Variants in MEMO1 observed in about 807,000 individuals in gnomAD.
MEMO1 encodes mediator of cell motility 1.
A neutral mutation model predicts 45.2 loss-of-function variants in MEMO1; 6 were observed. That is an observed-to-expected ratio of 0.13 (90% CI 0.07 to 0.26). The LOEUF is 0.26. Among genes scored for constraint, MEMO1 ranks in the 10% least tolerant of loss-of-function variants. MEMO1 has a pLI of 1.00. For synonymous variants in MEMO1, 78 were observed against 124.3 expected (o/e 0.63, Z 2.48); for missense variants, 184 against 370.5 (o/e 0.50, Z 4.13).
intron 2 of MEMO1, among the ~76,000 whole-genome samples, chr2:31,967,976 A>G (rs1270374542): frequency 6.6e-6 from 1 of 152,190 alleles, no homozygotes; most frequent in East Asian, 1.9e-4. Context: ...ATACTTAGAT[A>G]ATAAGAATCA....
At chr2:32,007,180 G>C (rs950428193) in intron 2 of MEMO1, among the ~76,000 whole-genome samples, 1 of 152,058 alleles carries the variant, frequency 6.6e-6, no homozygotes, top group Non-Finnish European at 1.5e-5. Flanking sequence ...CTATGCCCCT[G>C]TGTACCTTCC....
chr2:31,977,329 T>G (rs1021234465), intron 2 of MEMO1, among the ~76,000 whole-genome samples: 1 of 152,162 alleles, frequency 6.6e-6, no homozygotes, highest in Non-Finnish European at 1.5e-5. Flanking sequence ...CTTCTCATGC[T>G]TGAAAAATAT....
chr2:31,953,831 G>A (rs1210667249), intron 2 of MEMO1, among the ~76,000 whole-genome samples: 1 of 151,954 alleles, frequency 6.6e-6, no homozygotes, highest in Non-Finnish European at 1.5e-5. Context: ...GCATGACAAG[G>A]CCTACTTCAC....
intron 2 of MEMO1, among the ~76,000 whole-genome samples, chr2:31,962,320 G>T (rs2148414387): frequency 6.6e-6 from 1 of 152,238 alleles, no homozygotes; most frequent in Non-Finnish European, 1.5e-5. Context: ...GCCTGGGGAA[G>T]TCGAGGCTGC....
chr2:31,911,670 T>A (rs1380146533), intron 6 of MEMO1, among the ~76,000 whole-genome samples: 1 of 152,194 alleles, frequency 6.6e-6, no homozygotes, highest in Admixed American at 6.5e-5. Flanking sequence ...GCATTCTCAC[T>A]TAGGGAACTC....
intron 2 of MEMO1, among the ~76,000 whole-genome samples, chr2:31,978,900 A>G (rs907624020): frequency 1.3e-5 from 2 of 152,158 alleles, no homozygotes; most frequent in Admixed American, 6.6e-5. Flanking sequence ...TCATAAGGCA[A>G]TACTTTGCCT....
At chr2:31,982,140 T>C (rs1162936440) in intron 2 of MEMO1, among the ~76,000 whole-genome samples, 1 of 151,228 alleles carries the variant, frequency 6.6e-6, no homozygotes, top group Non-Finnish European at 1.5e-5. Context: ...CTACTAAAAA[T>C]ACAAAAATTA....
intron 8 of MEMO1, among the ~76,000 whole-genome samples, chr2:31,871,595 C>T (rs971560787): frequency 2.0e-5 from 3 of 152,034 alleles, no homozygotes; most frequent in Non-Finnish European, 4.4e-5. Flanking sequence ...TAGCCACTCT[C>T]AGATTGGTCC....
chr2:31,959,113 T>G (rs1667711995), intron 2 of MEMO1, among the ~76,000 whole-genome samples: 1 of 152,210 alleles, frequency 6.6e-6, no homozygotes, highest in South Asian at 2.1e-4. Context: ...AGATGAAGAC[T>G]TTGATTTTGG....
At chr2:31,952,727 A>G (rs1666975312) in intron 2 of MEMO1, among the ~76,000 whole-genome samples, 1 of 152,170 alleles carries the variant, frequency 6.6e-6, no homozygotes, top group African/African-American at 2.4e-5. Flanking sequence ...TTTTCATTAG[A>G]AAAAAAGCAT....
At chr2:31,901,065 A>G (rs1168761539) in intron 6 of MEMO1, among the ~76,000 whole-genome samples, 1 of 152,170 alleles carries the variant, frequency 6.6e-6, no homozygotes, top group East Asian at 1.9e-4. Flanking sequence ...ATAATGGAAT[A>G]ATTATTTGGC....
chr2:32,004,513 G>A (rs953663896), intron 2 of MEMO1, among the ~76,000 whole-genome samples: 1 of 152,096 alleles, frequency 6.6e-6, no homozygotes, highest in South Asian at 2.1e-4. Flanking sequence ...AAAATAAAAA[G>A]ACTGACAATA....
In MEMO1 at chr2:31,982,831, C is replaced by A. The variant is rs1046091859; in HGVS notation, c.61+27356G>T. 3.3e-5 allele frequency among the ~76,000 whole-genome samples: 5 copies of A among 151,988 alleles called. No homozygotes were observed. The South Asian group carries it at 6.2e-4, about 19-fold the overall frequency. On this transcript the variant is annotated intron_variant, in intron 2 of 9. Transcript: ENST00000404530. Reference sequence around the variant, plus strand: ...ATGAATGGTAGATGGTGGGTGGGAGCCAGGTTTCTCAATGTTGAGGAGAGA... The same window carrying A: ...ATGAATGGTAGATGGTGGGTGGGAGACAGGTTTCTCAATGTTGAGGAGAGA...
chr2:31,894,338 A>G (rs895586435), intron 6 of MEMO1, among the ~76,000 whole-genome samples: 5 of 152,174 alleles, frequency 3.3e-5, no homozygotes, highest in African/African-American at 1.2e-4. Context: ...CATTGCAAAA[A>G]GGGGATGACT....
intron 8 of MEMO1, among the ~76,000 whole-genome samples, chr2:31,877,863 A>C (rs780464818): frequency 6.6e-6 from 1 of 152,228 alleles, no homozygotes; most frequent in Non-Finnish European, 1.5e-5. Flanking sequence ...TCATGGTTTT[A>C]AACTGCGTAC....
At chr2:31,973,682 G>C (rs1669674610) in intron 2 of MEMO1, among the ~76,000 whole-genome samples, 1 of 152,164 alleles carries the variant, frequency 6.6e-6, no homozygotes, top group African/African-American at 2.4e-5. Context: ...AATGAACCTT[G>C]AAAGTGCCAT....
intron 2 of MEMO1, among the ~76,000 whole-genome samples, chr2:31,997,052 C>T (rs1472160976): frequency 6.6e-6 from 1 of 152,154 alleles, no homozygotes; most frequent in African/African-American, 2.4e-5. Context: ...ACTTATTTGA[C>T]CATAAACCCT....
chr2:31,932,150 A>G lies in MEMO1; in HGVS notation c.144-15T>C. 2 of 1,607,822 alleles carry G rather than the reference A, an allele frequency of 1.2e-6. No individual in the cohort carries two copies. The highest frequency in any genetic ancestry group is 1.1e-5 in the South Asian group (1 of 89,800). ...ATCCTGCATGGCTACAAAACAAAAT[A>G]TTTTTAAACTTAATCATCAGATTCA... On this transcript the variant is annotated splice_polypyrimidine_tract_variant and intron_variant, in intron 3 of 9. Coordinates refer to ENST00000404530, the MANE Select transcript of MEMO1 (RefSeq NM_001301833.4).
chr2:31,883,584 G>C (rs936555916), intron 7 of MEMO1, 122 bp from the exon 8 acceptor site: 1 of 655,354 alleles, frequency 1.5e-6, no homozygotes, highest in Non-Finnish European at 2.6e-6. Context: ...GCCTCTGAGA[G>C]AATCATTCCC....
Sources: allele counts gnomAD v4.1 joint callset (sites outside exome capture counted in the v4.1 genomes callset), GRCh38; gene constraint gnomAD v4.1.1; transcripts MANE v1.5; gene names NCBI Gene and HGNC (gene_info 2026-07-23, HGNC 2026-07-21).